The following LTBP2 variants were observed in gnomAD, a reference collection of about 807,000 sequenced individuals.
LTBP2 encodes the protein latent transforming growth factor beta binding protein 2.
Under a neutral mutation model 210.6 loss-of-function variants are expected in LTBP2, and 103 were observed. That is an observed-to-expected ratio of 0.49 (90% CI 0.42 to 0.58). The LOEUF (loss-of-function observed/expected upper bound fraction) is 0.58, where lower values mean the gene tolerates loss of function less well. Ranked by LOEUF, LTBP2 falls within the 20% of genes least tolerant of loss-of-function variation. LTBP2 has a pLI of 0.00. For synonymous variants in LTBP2, 1,007 were observed against 1,015.0 expected (o/e 0.99, Z 0.15); for missense variants, 2,313 against 2,494.5 (o/e 0.93, Z 1.55).
At chr14:74,603,189 G>A (rs1439770165) in intron 2 of LTBP2, among the ~76,000 whole-genome samples, 1 of 152,140 alleles carries the variant, frequency 6.6e-6, no homozygotes, top group Non-Finnish European at 1.5e-5. Flanking sequence ...GTGCAGTGGT[G>A]TGATCTTGGC....
intron 2 of LTBP2, among the ~76,000 whole-genome samples, chr14:74,602,539 C>T (rs2088462772): frequency 6.6e-6 from 1 of 152,206 alleles, no homozygotes; most frequent in South Asian, 2.1e-4. Flanking sequence ...AATCCTAGCT[C>T]TGCACTTCCT....
At chr14:74,517,709 G>A (rs905468298) in intron 17 of LTBP2, among the ~76,000 whole-genome samples, 11 of 152,172 alleles carry the variant, frequency 7.2e-5, no homozygotes, top group Non-Finnish European at 1.5e-4. Flanking sequence ...ATAAAGGTTA[G>A]GAACCAAGCA....
In LTBP2 at chr14:74,504,969, C is replaced by T. The variant is rs550022470; in HGVS notation, c.4369+14G>A. 3.4e-5 allele frequency: 55 copies of T among 1,614,184 alleles called. No homozygotes were observed. In the South Asian group the frequency reaches 5.8e-4, roughly 17 times the overall value. On this transcript the variant is annotated intron_variant, in intron 29 of 35. Transcript: ENST00000261978. ...AGCTGACCCTTCGAGGATCTGGAAC[C>T]CTTGGGGTCTTACCTGAGTCCTCAG...
In LTBP2 at chr14:74,509,734, C is replaced by T. The variant is rs1159035349; in HGVS notation, c.3277G>A (p.Asp1093Asn). 2 of 1,614,128 alleles carry T rather than the reference C, an allele frequency of 1.2e-6. No individual in the cohort carries two copies. The highest frequency in any genetic ancestry group is 1.1e-5 in the South Asian group (1 of 91,078). Residue 1093 changes from aspartate to asparagine, a missense_variant and splice_region_variant, in exon 21 of 36, where the codon GAC (aspartate) becomes AAC (asparagine). Asp to Asn is a conservative substitution (Grantham distance 23). Around this residue, in one of 3 missense-constraint regions of LTBP2, gnomAD observed 1,867 missense variants for 1,976.9 expected, o/e 0.94. Coordinates refer to ENST00000261978, the MANE Select transcript of LTBP2 (RefSeq NM_000428.3). Reference sequence around the variant, plus strand: ...TCCACCACTGCCTCCCCAGGGTTACCTTCACAGGCAGTGCCGTCTTCATTC... The same window carrying T: ...TCCACCACTGCCTCCCCAGGGTTACTTTCACAGGCAGTGCCGTCTTCATTC... ...WVNEDGTACEDLDECAFPGVC... is the reference protein window; with the variant it reads ...WVNEDGTACENLDECAFPGVC...
At chr14:74,531,300 A>C (rs144549536) in intron 10 of LTBP2, among the ~76,000 whole-genome samples, 99 of 152,318 alleles carry the variant, frequency 6.5e-4, no homozygotes, top group Non-Finnish European at 1.1e-3. Flanking sequence ...AGGACACTCG[A>C]GAGCCATCTC....
intron 17 of LTBP2, among the ~76,000 whole-genome samples, chr14:74,518,038 C>T (rs905333503): frequency 6.6e-6 from 1 of 152,232 alleles, no homozygotes; most frequent in African/African-American, 2.4e-5. Context: ...AGTCTCTTTC[C>T]TCACGATGGC....
rs529289527 is a variant in LTBP2 at position 74,610,864 on chromosome 14, C to T, written c.494+587G>A. Among the ~76,000 whole-genome samples the T allele has an allele frequency of 9.1e-4, 138 of 152,364 alleles. 2 individuals are homozygous for T. The highest frequency in any genetic ancestry group is 3.2e-3 in the African/African-American group (132 of 41,586). The stretch of plus-strand genomic sequence containing the variant: ...CGCAGCCTCATCAGGACACGCTTCC[C>T]GCCCAAAGTACCCAGAGCTCACGCC... On this transcript the variant is annotated intron_variant, in intron 1 of 35. Coordinates refer to ENST00000261978, the MANE Select transcript of LTBP2 (RefSeq NM_000428.3).
chr14:74,528,947 C>T lies in LTBP2; in HGVS notation c.2152+11G>A. Reference sequence around the variant, plus strand: ...TGGGCAGTGAAAGCTGGGATGGGAACAGGAGGTTACCTGTGCCAGGCAGAG... The same window carrying T: ...TGGGCAGTGAAAGCTGGGATGGGAATAGGAGGTTACCTGTGCCAGGCAGAG... On this transcript the variant is annotated intron_variant, in intron 11 of 35. Transcript: ENST00000261978. 6.2e-7 allele frequency: 1 copy of T among 1,610,798 alleles called. No homozygotes were observed. The highest frequency in any genetic ancestry group is 1.1e-5 in the South Asian group (1 of 90,380).
intron 3 of LTBP2, chr14:74,559,882 T>A (rs1052169029): frequency 2.0e-5 from 3 of 152,090 alleles, no homozygotes; most frequent in Non-Finnish European, 4.4e-5. Context: ...AGAAGGCAAG[T>A]CTCAATGAGA....
At chr14:74,581,372 G>A (rs769351451) in intron 3 of LTBP2, among the ~76,000 whole-genome samples, 11 of 152,228 alleles carry the variant, frequency 7.2e-5, no homozygotes, top group Non-Finnish European at 1.5e-4. Context: ...GATGGTCCTG[G>A]ATTATCTTGG....
chr14:74,516,713 G>C, intron 18 of LTBP2, 109 bp downstream of exon 18: 1 of 1,433,586 alleles, frequency 7.0e-7, no homozygotes. Context: ...TCAGCATCAA[G>C]GGGCCAGGGC....
intron 26 of LTBP2, 96 bp downstream of exon 26, chr14:74,507,083 A>T: frequency 1.2e-6 from 2 of 1,605,426 alleles, no homozygotes; most frequent in Non-Finnish European, 1.7e-6. Context: ...TCAGCTGCAA[A>T]AAATCGTGTC....
chr14:74,598,627 G>A (rs140065434), intron 2 of LTBP2, among the ~76,000 whole-genome samples: 174 of 152,264 alleles, frequency 1.1e-3, no homozygotes, highest in African/African-American at 3.9e-3. Context: ...CCTAAGTGAC[G>A]GTGTTTGTTC....
chr14:74,532,691 T>A, intron 9 of LTBP2, 143 bp from the exon 10 acceptor site: 1 of 920,422 alleles, frequency 1.1e-6, no homozygotes, highest in Non-Finnish European at 1.7e-6. Context: ...TTCCTCTCCC[T>A]GTGCCTCAGT....
At chr14:74,505,278 A>G (rs564197414) in intron 28 of LTBP2, 104 bp from the exon 29 acceptor site, 1 of 1,321,276 alleles carries the variant, frequency 7.6e-7, no homozygotes, top group East Asian at 2.5e-5. Flanking sequence ...AGCACTTTAC[A>G]GTGGAAAAAA....
intron 2 of LTBP2, among the ~76,000 whole-genome samples, chr14:74,601,928 C>T (rs2088453468): frequency 6.6e-6 from 1 of 152,076 alleles, no homozygotes; most frequent in South Asian, 2.1e-4. Context: ...GGCTTTGCAG[C>T]CAGGCTTGGG....
rs561805874 is a variant in LTBP2, at chr14:74,510,192, G to C, written c.3050C>G (p.Pro1017Arg). 6 of 1,613,900 alleles carry C rather than the reference G, an allele frequency of 3.7e-6. No homozygotes were observed. Among genetic ancestry groups the C allele is most frequent in the African/African-American group, 2.7e-5 (2 of 75,054 alleles). ...GCACTTTCCATGGGCACAGACCCCG[G>C]GAGTCAGACACTCATTCACATCTGT... ...SCVDVNECLT[P>R]GVCAHGKCTN... is the part of the protein sequence containing the mutation. Residue 1017 changes from proline (P) to arginine (R), a missense_variant, in exon 20 of 36, where the codon CCC becomes CGC. By Grantham distance (103) the Pro-to-Arg change is moderately radical. Around this residue, in one of 3 missense-constraint regions of LTBP2, gnomAD observed 1,867 missense variants for 1,976.9 expected, o/e 0.94. Coordinates refer to ENST00000261978, the MANE Select transcript of LTBP2 (RefSeq NM_000428.3).
chr14:74,504,357 G>T (rs2086955427), intron 30 of LTBP2, among the ~76,000 whole-genome samples: 1 of 152,236 alleles, frequency 6.6e-6, no homozygotes, highest in African/African-American at 2.4e-5. Flanking sequence ...GGACTAGGGT[G>T]CTGAGGGGCG....
intron 3 of LTBP2, among the ~76,000 whole-genome samples, chr14:74,572,342 T>A (rs1053704174): frequency 2.9e-5 from 4 of 139,062 alleles, no homozygotes; most frequent in African/African-American, 5.3e-5. Flanking sequence ...AGAGAGAGAG[T>A]GTGTGTGTGT....
Sources: gnomAD v4.1 joint callset for allele counts (sites outside exome capture counted in the v4.1 genomes callset) on GRCh38, gnomAD v4.1.1 for gene constraint, gnomAD v4.1.1 regional missense constraint, MANE v1.5 for transcripts, NCBI Gene and HGNC (gene_info 2026-07-23, HGNC 2026-07-21) for gene names.